Variants in TVP23A observed in about 807,000 individuals in gnomAD.
TVP23A encodes the protein Golgi apparatus membrane protein TVP23 homolog A.
A neutral mutation model predicts 31.7 loss-of-function variants in TVP23A; 21 were observed. The ratio of observed to expected loss-of-function variants is 0.66; its 90% confidence interval spans 0.47 to 0.95. The LOEUF is 0.95. TVP23A is among the 40% of genes least tolerant of loss of function. The pLI is 0.00. For synonymous variants in TVP23A, 104 were observed against 96.0 expected (o/e 1.08, Z -0.49); for missense variants, 279 against 255.6 (o/e 1.09, Z -0.62).
chr16:10,775,537 A>G, intron 2 of TVP23A: 1 of 1,032,072 alleles, frequency 9.7e-7, no homozygotes. Flanking sequence ...GTCATCGGGG[A>G]ATGCGTGTTC....
chr16:10,785,956 A>G (rs926625195), intron 2 of TVP23A, among the ~76,000 whole-genome samples: 4 of 152,158 alleles, frequency 2.6e-5, no homozygotes. Context: ...GACCAGCCTG[A>G]CCAACATGAT....
Position 10,786,810 on chromosome 16 carries a change from A to T in TVP23A, c.90-11714T>A, listed in dbSNP as rs192892264. On this transcript the variant is annotated intron_variant, in intron 2 of 7. Transcript: ENST00000299866. ...TATACTTTTACGTAAATTTGAATTTAAAAGTAGAAGAAGAAAGAAATCGGC... is the reference window on the plus strand; with the variant it reads ...TATACTTTTACGTAAATTTGAATTTTAAAGTAGAAGAAGAAAGAAATCGGC... 3.3e-3 allele frequency among the ~76,000 whole-genome samples: 505 copies of T among 152,248 alleles called. 1 individual carries two copies. The highest frequency in any genetic ancestry group is 0.011 in the African/African-American group (467 of 41,518).
intron 2 of TVP23A, among the ~76,000 whole-genome samples, chr16:10,795,664 CT>C (rs1243846796): frequency 1.4e-4 from 21 of 152,118 alleles, no homozygotes; most frequent in African/African-American, 5.1e-4. Flanking sequence ...TGCATTATGC[CT>C]TTTCTCTACA....
chr16:10,793,476 A>G (rs2142992349), intron 2 of TVP23A, among the ~76,000 whole-genome samples: 1 of 152,170 alleles, frequency 6.6e-6, no homozygotes, highest in South Asian at 2.1e-4. Flanking sequence ...GCATCATTCT[A>G]ATCTCTGCCA....
downstream of TVP23A, chr16:10,760,891 A>G (rs1227282938): frequency 6.1e-6 from 1 of 164,208 alleles, no homozygotes; most frequent in Non-Finnish European, 1.3e-5. Context: ...ACACTGCTGT[A>G]AAGAACTGCC....
At chr16:10,809,769 C>T (rs146234124) in intron 2 of TVP23A, among the ~76,000 whole-genome samples, 1 of 152,160 alleles carries the variant, frequency 6.6e-6, no homozygotes, top group African/African-American at 2.4e-5. Flanking sequence ...AAAGCCCAGG[C>T]TCCTCCTGCA....
chr16:10,769,613 G>A (rs964326008), intron 7 of TVP23A: 5 of 158,832 alleles, frequency 3.1e-5, no homozygotes, highest in South Asian at 3.7e-4. Context: ...GCTGGGCTTC[G>A]TTCTAAAATC....
chr16:10,795,331 A>T (rs960023310), intron 2 of TVP23A, among the ~76,000 whole-genome samples: 1 of 151,168 alleles, frequency 6.6e-6, no homozygotes, highest in African/African-American at 2.4e-5. Context: ...GCTAACTGCA[A>T]CCTCCACCTC....
At chr16:10,803,633 C>T (rs1304724186) in intron 2 of TVP23A, among the ~76,000 whole-genome samples, 1 of 152,094 alleles carries the variant, frequency 6.6e-6, no homozygotes, top group South Asian at 2.1e-4. Flanking sequence ...TCCTGGTGTT[C>T]GGGGTTCTGA....
intron 2 of TVP23A, among the ~76,000 whole-genome samples, chr16:10,799,089 GGGA>G (rs2033562730): frequency 6.6e-6 from 1 of 152,202 alleles, no homozygotes; most frequent in Admixed American, 6.5e-5. Flanking sequence ...CAACAGCCAT[GGGA>G]GGACGCCATC....
intron 2 of TVP23A, among the ~76,000 whole-genome samples, chr16:10,792,365 A>T (rs2033153016): frequency 6.6e-6 from 1 of 152,182 alleles, no homozygotes; most frequent in Non-Finnish European, 1.5e-5. Context: ...CAGGGGAGGC[A>T]GCTAAGATGA....
At position 10,770,868 on chromosome 16, in the gene TVP23A, C is replaced by CAAAAAAAAAAA. The variant is rs376701429; in HGVS notation, c.583-548_583-538dup. 8.5e-3 allele frequency among the ~76,000 whole-genome samples: 562 copies of CAAAAAAAAAAA among 66,420 alleles called. 14 individuals carry two copies. Among genetic ancestry groups the CAAAAAAAAAAA allele is most frequent in the African/African-American group, 0.021 (401 of 19,000 alleles). The allele number at this position is 66,420 out of a possible 152,430, so 43.6% of individuals were successfully genotyped here. A position where few individuals can be genotyped will look rare whatever the true frequency, so the allele number is the denominator to read the frequency against. ...TGGGAGCAGAGTGAGACTCCCATCT[C>CAAAAAAAAAAA]AAAAAAAAAAAAAAAAAAAAAAAAA... On this transcript the variant is annotated intron_variant, in intron 6 of 7. Transcript: ENST00000299866.
Position 10,768,048 on chromosome 16 carries a change from A to G in TVP23A, c.*1054T>C. The G allele has an allele frequency of 6.2e-7, 1 of 1,611,766 alleles. No individual in the cohort carries two copies. The highest frequency in any genetic ancestry group is 8.5e-7 in the Non-Finnish European group (1 of 1,178,026). On this transcript the variant is annotated 3_prime_UTR_variant, in exon 8 of 8. Coordinates refer to ENST00000299866, the MANE Select transcript of TVP23A (RefSeq NM_001079512.4). The surrounding 1 kb of genome is among the most constrained non-coding windows in gnomAD (Gnocchi z 4.3). Reference sequence around the variant, plus strand: ...ATAATTCAGAGTAAGTATTTCCATGAGTACTAAATGCAGATGCCTGTGGGG... The same window carrying G: ...ATAATTCAGAGTAAGTATTTCCATGGGTACTAAATGCAGATGCCTGTGGGG...
intron 2 of TVP23A, among the ~76,000 whole-genome samples, chr16:10,800,029 T>C (rs997821420): frequency 1.4e-5 from 2 of 146,282 alleles, no homozygotes; most frequent in Admixed American, 6.7e-5. Flanking sequence ...TTTTTTTTTT[T>C]TTCGCACTGG....
Position 10,818,470 on chromosome 16 carries a change from T to A in TVP23A, c.9+15A>T. On this transcript the variant is annotated intron_variant, in intron 1 of 7. Transcript: ENST00000299866. This position sits in a 1 kb window ranked among gnomAD's most constrained non-coding sequence, Gnocchi z 4.7. ...TCCCGCCCCGCCTCCAGCCCCAGCA[T>A]CCCCGAGGCCCTACCTGCTTCATCA... 6.2e-7 allele frequency: 1 copy of A among 1,604,452 alleles called. No homozygotes were observed. Among genetic ancestry groups the A allele is most frequent in the Non-Finnish European group, 8.5e-7 (1 of 1,178,514 alleles).
intron 2 of TVP23A, among the ~76,000 whole-genome samples, chr16:10,799,458 C>G (rs567625355): frequency 3.3e-5 from 5 of 152,174 alleles, no homozygotes; most frequent in Admixed American, 2.0e-4. Context: ...CTCAGCCTCC[C>G]GAGTAGCTCG....
At chr16:10,790,044 G>C (rs1035168518) in intron 2 of TVP23A, among the ~76,000 whole-genome samples, 1 of 152,248 alleles carries the variant, frequency 6.6e-6, no homozygotes, top group Admixed American at 6.5e-5. Flanking sequence ...GGAGACCAAG[G>C]TTCTTTTGAA....
intron 2 of TVP23A, among the ~76,000 whole-genome samples, chr16:10,815,091 G>A (rs888744946): frequency 3.3e-5 from 5 of 152,070 alleles, no homozygotes; most frequent in South Asian, 2.1e-4. Context: ...CTATCCCAGC[G>A]TTTAAAATAC....
chr16:10,762,836 T>TGG, downstream of TVP23A, among the ~76,000 whole-genome samples: 3 of 149,276 alleles, frequency 2.0e-5, no homozygotes, highest in Non-Finnish European at 4.5e-5. Flanking sequence ...GCGGGGCCCG[T>TGG]GGAGAGCCTG....
Sources: allele counts gnomAD v4.1 joint callset (sites outside exome capture counted in the v4.1 genomes callset), GRCh38; gene constraint gnomAD v4.1.1; non-coding constraint Gnocchi (gnomAD v3.1); transcripts MANE v1.5; gene names NCBI Gene and HGNC (gene_info 2026-07-23, HGNC 2026-07-21).